The following ABCA2 variants were observed in gnomAD, a reference collection of about 807,000 sequenced individuals.
The protein encoded by ABCA2 is ATP binding cassette subfamily A member 2.
Under a neutral mutation model 262.8 loss-of-function variants are expected in ABCA2, and 84 were observed. The observed-to-expected ratio is 0.32, with a 90% CI of 0.27 to 0.38. The LOEUF (loss-of-function observed/expected upper bound fraction) is 0.38. ABCA2 is among the 10% of genes least tolerant of loss of function. The pLI, the probability that ABCA2 is intolerant of heterozygous loss-of-function variation, is 1.00. For missense variants in ABCA2, 2,662 were observed against 3,405.9 expected (o/e 0.78, Z 5.44); for synonymous variants, 1,696 against 1,502.9 (o/e 1.13, Z -2.97).
rs369225845 is a variant in ABCA2 at position 137,009,527 on chromosome 9, G to A, written c.6734+14C>T. On this transcript the variant is annotated intron_variant, in intron 44 of 48. Transcript: ENST00000341511. ...TGGGGTGGGGGCACAAAGAGGGGGT[G>A]GGGGCGCCCTCACCTGTGTGATGTC... is the stretch of plus-strand genomic sequence containing the variant. 2.2e-5 allele frequency: 35 copies of A among 1,612,320 alleles called. 1 individual carries two copies. The highest frequency in any genetic ancestry group is 1.9e-4 in the South Asian group (17 of 91,078).
rs1267902936 is a variant in ABCA2, at chr9:137,017,823, C to T, written c.2175G>A (p.Gln725=). ...SWVYSVAMTI[Q]HIVAEKEHRL... is the part of the protein sequence containing the mutation. ...GGTGCTCCTTCTCCGCCACGATGTG[C>T]TGGATGGTCATGGCCACGGAGTAGA... Residue 725 remains glutamine, a synonymous_variant, in exon 16 of 49, where the codon CAG becomes CAA. Transcript: ENST00000341511. The T allele has an allele frequency of 6.2e-7, 1 of 1,612,466 alleles. No homozygotes were observed. The highest frequency in any genetic ancestry group is 8.5e-7 in the Non-Finnish European group (1 of 1,179,858).
Position 137,022,442 on chromosome 9 carries a change from G to T in ABCA2, c.476C>A (p.Pro159Gln). 1 of 1,612,006 alleles carries T rather than the reference G, an allele frequency of 6.2e-7. No homozygotes were observed. Among genetic ancestry groups the T allele is most frequent in the Non-Finnish European group, 8.5e-7 (1 of 1,179,760 alleles). The change falls in exon 6 of 49, where the codon CCG becomes CAG. Residue 159 changes from proline to glutamine, a missense_variant. This residue lies in a region of ABCA2 where 403 missense variants were observed against 375.9 expected (regional missense o/e 1.07). Transcript: ENST00000341511. ...SFSLDSVARN[P>Q]QELWRFLTQN... ...CGTCAGGAAACGCCAGAGCTCCTGCGGGTTTCTGGCCACCGAGTCCAGAGA... is the reference window on the plus strand; with the variant it reads ...CGTCAGGAAACGCCAGAGCTCCTGCTGGTTTCTGGCCACCGAGTCCAGAGA...
rs1244282489 is a variant in ABCA2, at chr9:137,014,825, G to A, written c.3883-15C>T. The A allele has an allele frequency of 6.3e-7, 1 of 1,596,300 alleles. No homozygotes were observed. Among genetic ancestry groups the A allele is most frequent in the South Asian group, 1.1e-5 (1 of 88,528 alleles). On this transcript the variant is annotated splice_polypyrimidine_tract_variant and intron_variant, in intron 25 of 48. Coordinates refer to ENST00000341511, the MANE Select transcript of ABCA2 (RefSeq NM_001606.5). ...CGCTCCAGGTGCTGCAGGGGCGGTGGAGGGGGAGGCTGCGGCAGGGACGCC... is the reference window on the plus strand; with the variant it reads ...CGCTCCAGGTGCTGCAGGGGCGGTGAAGGGGGAGGCTGCGGCAGGGACGCC...
In ABCA2 at chr9:137,018,230, C is replaced by A. The variant is rs200856142; in HGVS notation, c.1941G>T (p.Gly647=). 7.4e-6 allele frequency: 12 copies of A among 1,611,138 alleles called. No individual in the cohort carries two copies. Among genetic ancestry groups the A allele is most frequent in the Non-Finnish European group, 1.0e-5 (12 of 1,179,658 alleles). Residue 647 remains glycine, a synonymous_variant, in exon 14 of 49, where the codon GGG becomes GGT. Coordinates refer to ENST00000341511, the MANE Select transcript of ABCA2 (RefSeq NM_001606.5). ...NEIRRAYWRP[G]PNTGGRFYFL... ...AGTAGAAGCGGCCGCCAGTATTGGG[C>A]CCAGGCCGCCAGTAGGCGCGGCGGA...
At chr9:137,009,107 G>A in intron 45 of ABCA2, 54 bp from the exon 46 acceptor site, 24 of 1,545,866 alleles carry the variant, frequency 1.6e-5, no homozygotes, top group Non-Finnish European at 1.9e-5. Flanking sequence ...CAGAGCCCCA[G>A]CCCCCCAGCC....
rs1245243376 is a variant in ABCA2 at position 137,012,350 on chromosome 9, G to A, written c.5214C>T (p.His1738=). Residue 1738 remains histidine (H), a synonymous_variant, in exon 33 of 49, where the codon CAC becomes CAT. Coordinates refer to ENST00000341511, the MANE Select transcript of ABCA2 (RefSeq NM_001606.5). ...GGCTGTTGAGGTAGGTGGGCATGCT[G>A]TGATAGCCCTTGTTGTTGTAGAAAA... The part of the protein sequence containing the change: ...AQVFYNNKGY[H]SMPTYLNSLN... 5 of 1,612,288 alleles carry A rather than the reference G, an allele frequency of 3.1e-6. No individual in the cohort carries two copies. In the African/African-American group the frequency reaches 4.0e-5, roughly 13 times the overall value.
In ABCA2 at chr9:137,022,694, G is replaced by A. The variant is rs760232522; in HGVS notation, c.439+8C>T. The A allele has an allele frequency of 8.9e-5, 142 of 1,603,586 alleles. No individual in the cohort carries two copies. Among genetic ancestry groups the A allele is most frequent in the Non-Finnish European group, 1.1e-4 (131 of 1,177,422 alleles). On this transcript the variant is annotated splice_region_variant and intron_variant, in intron 5 of 48. Transcript: ENST00000341511. ...CCCTGCCCCCCAACTTCCCTGCACA[G>A]GGCACACCTGTGGATCTGTCCAGGT...
chr9:137,013,893 G>C lies in ABCA2; in HGVS notation c.4386C>G (p.Ile1462Met). ...RRNSKALFSQ[I>M]LLPAFFVCVA... Reference sequence around the variant, plus strand: ...CGCAGACGAAGAAGGCTGGCAGCAAGATCTGGGAGAAGAGTGCCTTGGAGT... The same window carrying C: ...CGCAGACGAAGAAGGCTGGCAGCAACATCTGGGAGAAGAGTGCCTTGGAGT... Residue 1462 changes from isoleucine (I) to methionine (M), a missense_variant, in exon 28 of 49, where the codon ATC (isoleucine) becomes ATG (methionine). Around this residue, in one of 12 missense-constraint regions of ABCA2, gnomAD observed 75 missense variants for 118.3 expected, o/e 0.63. Transcript: ENST00000341511. 6.2e-7 allele frequency: 1 copy of C among 1,612,564 alleles called. No homozygotes were observed. The highest frequency in any genetic ancestry group is 8.5e-7 in the Non-Finnish European group (1 of 1,179,852).
chr9:137,009,041 G>T lies in ABCA2; in HGVS notation c.6840C>A (p.Gly2280=). Residue 2280 remains glycine (G), a synonymous_variant, in exon 46 of 49, where the codon GGC becomes GGA. Coordinates refer to ENST00000341511, the MANE Select transcript of ABCA2 (RefSeq NM_001606.5). ...IQHLKNRFGD[G]YMITVRTKSS... is the part of the protein sequence containing the mutation. ...TCTTGGTCCGCACCGTGATCATGTA[G>T]CCATCTCCAAACCTGGTGGGACAGG... 1 of 1,607,376 alleles carries T rather than the reference G, an allele frequency of 6.2e-7. No individual in the cohort carries two copies.
rs774385632 is a variant in ABCA2, at chr9:137,015,601, G to A, written c.3515-5C>T. 6.2e-7 allele frequency: 1 copy of A among 1,612,280 alleles called. No homozygotes were observed. The highest frequency in any genetic ancestry group is 1.7e-5 in the Admixed American group (1 of 59,992). Reference sequence around the variant, plus strand: ...TGGACAGAAGGATGGTGCGGCCTAGGACAAGGCCAGACCCAGGGTCAGGGG... The same window carrying A: ...TGGACAGAAGGATGGTGCGGCCTAGAACAAGGCCAGACCCAGGGTCAGGGG... On this transcript the variant is annotated splice_region_variant and splice_polypyrimidine_tract_variant and intron_variant, in intron 23 of 48. Transcript: ENST00000341511.
chr9:137,022,754 C>T lies in ABCA2; in HGVS notation c.387G>A (p.Glu129=), dbSNP rs1473389913. The change falls in exon 5 of 49, where the codon GAG becomes GAA. Residue 129 remains glutamate, a synonymous_variant. Transcript: ENST00000341511. ...SELEALRQHL[E]ALSAGPGTSG... The stretch of plus-strand genomic sequence containing the variant: ...AGGTGCCCGGGCCCGCACTGAGGGC[C>T]TCCAGATGCTGGCGTAGGGCCTCGA... 4 of 1,604,620 alleles carry T rather than the reference C, an allele frequency of 2.5e-6. No individual in the cohort carries two copies. The highest frequency in any genetic ancestry group is 3.4e-6 in the Non-Finnish European group (4 of 1,177,410).
chr9:137,008,142 C>T (rs1469227709), intron 48 of ABCA2, 178 bp from the exon 49 acceptor site: 10 of 863,898 alleles, frequency 1.2e-5, no homozygotes, highest in Non-Finnish European at 1.8e-5. Context: ...GTCTGGGGGC[C>T]ACTGAGTCTA....
At chr9:137,013,684 A>G in intron 28 of ABCA2, 121 bp from the exon 29 acceptor site, 1 of 1,353,808 alleles carries the variant, frequency 7.4e-7, no homozygotes, top group Middle Eastern at 2.2e-4. Context: ...CCGAGGAGAC[A>G]GGACTCCCGG....
Position 137,020,939 on chromosome 9 carries a change from C to T in ABCA2, c.1020G>A (p.Leu340=). The change falls in exon 9 of 49, where the codon CTG becomes CTA. Residue 340 remains leucine (L), a synonymous_variant. Transcript: ENST00000341511. The stretch of plus-strand genomic sequence containing the variant: ...GGGGCAGTAGCAGGGCCAGGGCCGA[C>T]AGGACATCCACATCCTGCAGAACCT... ...AQKVLQDVDV[L]SALALLLPQG... The T allele has an allele frequency of 1.3e-6, 2 of 1,565,584 alleles. No homozygotes were observed. The highest frequency in any genetic ancestry group is 8.7e-7 in the Non-Finnish European group (1 of 1,155,444).
rs1830972882 is a variant in ABCA2 at position 137,009,913 on chromosome 9, G to A, written c.6496-10C>T. On this transcript the variant is annotated splice_polypyrimidine_tract_variant and intron_variant, in intron 42 of 48. Coordinates refer to ENST00000341511, the MANE Select transcript of ABCA2 (RefSeq NM_001606.5). Reference sequence around the variant, plus strand: ...GAGCCCACTTCACCACCTGGCCAGGGAACGCAGGTGTCAGTGGAGGCAGGG... The same window carrying A: ...GAGCCCACTTCACCACCTGGCCAGGAAACGCAGGTGTCAGTGGAGGCAGGG... 1 of 1,603,110 alleles carries A rather than the reference G, an allele frequency of 6.2e-7. No individual in the cohort carries two copies. Among genetic ancestry groups the A allele is most frequent in the South Asian group, 1.1e-5 (1 of 90,234 alleles).
chr9:137,007,985 G>C, intron 48 of ABCA2, 21 bp from the exon 49 acceptor site: 1 of 1,598,522 alleles, frequency 6.3e-7, no homozygotes, highest in Non-Finnish European at 8.5e-7. Flanking sequence ...GGGAGGTCAG[G>C]CTTATGGGGC....
rs201667860 is a variant in ABCA2 at position 137,019,325 on chromosome 9, G to A, written c.1426-19C>T. The A allele has an allele frequency of 2.0e-4, 325 of 1,611,196 alleles. No homozygotes were observed. The highest frequency in any genetic ancestry group is 2.6e-4 in the Non-Finnish European group (310 of 1,179,056). On this transcript the variant is annotated intron_variant, in intron 10 of 48. Transcript: ENST00000341511. This position sits in a 1 kb window ranked among gnomAD's most constrained non-coding sequence, Gnocchi z 4.4. ...CGTTGGCCTGCAGGGGGTGAGGCAG[G>A]GGCATGGAGTTTCTGGACGGACCCC...
In ABCA2 at chr9:137,021,732, T is replaced by C. The variant is rs1831460521; in HGVS notation, c.679-122A>G. On this transcript the variant is annotated intron_variant, in intron 7 of 48. Coordinates refer to ENST00000341511, the MANE Select transcript of ABCA2 (RefSeq NM_001606.5). This position sits in a 1 kb window ranked among gnomAD's most constrained non-coding sequence, Gnocchi z 6.0. ...CTGGGGCTGCCTGGGTCCCACGACATGCCTCTACCCCTCATGCCTGCCATA... is the reference window on the plus strand; with the variant it reads ...CTGGGGCTGCCTGGGTCCCACGACACGCCTCTACCCCTCATGCCTGCCATA... The C allele has an allele frequency of 5.6e-6, 7 of 1,248,288 alleles. No homozygotes were observed. The highest frequency in any genetic ancestry group is 4.2e-5 in the Admixed American group (2 of 47,304). The allele number at this position is 1,248,288 out of a possible 1,614,324, so 77.3% of individuals were successfully genotyped here.
In ABCA2 at chr9:137,017,695, G is replaced by A. The variant is rs1334937954; in HGVS notation, c.2212-3C>T. ...TTCAGGCCCATGGTCTTCATCACCT[G>A]CGGGTGGGCCAGGGGCTTGGGGCAG... is the stretch of plus-strand genomic sequence containing the variant. On this transcript the variant is annotated splice_polypyrimidine_tract_variant and splice_region_variant and intron_variant, in intron 16 of 48. Coordinates refer to ENST00000341511, the MANE Select transcript of ABCA2 (RefSeq NM_001606.5). The A allele has an allele frequency of 6.2e-7, 1 of 1,607,668 alleles. No individual in the cohort carries two copies. Among genetic ancestry groups the A allele is most frequent in the African/African-American group, 1.3e-5 (1 of 74,926 alleles).
Sources: gnomAD v4.1 joint callset for allele counts on GRCh38, gnomAD v4.1.1 for gene constraint, gnomAD v4.1.1 regional missense constraint, Gnocchi (gnomAD v3.1) non-coding constraint, MANE v1.5 for transcripts, NCBI Gene and HGNC (gene_info 2026-07-23, HGNC 2026-07-21) for gene names.